STARD13: variants seen among roughly 807,000 people sequenced by gnomAD.
STARD13 encodes StAR related lipid transfer domain containing 13, also known as stAR-related lipid transfer protein 13.
Under a neutral mutation model 106.4 loss-of-function variants are expected in STARD13, and 62 were observed. The ratio of observed to expected loss-of-function variants is 0.58; its 90% CI spans 0.48 to 0.72. The LOEUF (loss-of-function observed/expected upper bound fraction) is 0.72, where lower values mean the gene tolerates loss of function less well. Ranked by LOEUF, STARD13 falls within the 30% of genes least tolerant of loss-of-function variation. The probability of loss-of-function intolerance (pLI) is 0.00; values close to 1 mark genes in which losing one functional copy is unlikely to be tolerated. For missense variants in STARD13, 1,387 were observed against 1,424.0 expected (o/e 0.97, Z 0.42); for synonymous variants, 565 against 553.0 (o/e 1.02, Z -0.31).
intron 1 of STARD13, among the ~76,000 whole-genome samples, chr13:33,235,613 CAG>C (rs1161664077): frequency 2.6e-5 from 4 of 152,336 alleles, no homozygotes; most frequent in East Asian, 1.9e-4. Flanking sequence ...GGCCTAGAAA[CAG>C]AGTTACCAGA....
downstream of STARD13, among the ~76,000 whole-genome samples, chr13:33,344,107 A>T (rs1437368876): frequency 6.6e-6 from 1 of 151,926 alleles, no homozygotes; most frequent in East Asian, 1.9e-4. Context: ...TGCACAGTGA[A>T]ATCTTCTGCA....
At chr13:33,390,551 A>C in the STARD13 span, among the ~76,000 whole-genome samples, 1 of 152,206 alleles carries the variant, frequency 6.6e-6, no homozygotes, top group African/African-American at 2.4e-5. Flanking sequence ...TTTGTTACAA[A>C]GAAGAAATAA....
At chr13:33,123,116 G>A (rs535664745) in intron 7 of STARD13, among the ~76,000 whole-genome samples, 1 of 139,638 alleles carries the variant, frequency 7.2e-6, no homozygotes, top group Non-Finnish European at 1.5e-5. Context: ...GATAGCCCCA[G>A]AGCACTGCTC....
the STARD13 span, among the ~76,000 whole-genome samples, chr13:33,560,232 A>T: frequency 6.6e-6 from 1 of 151,616 alleles, no homozygotes; most frequent in South Asian, 2.1e-4. Flanking sequence ...TATTAGTGCA[A>T]CATTAGTTCT....
chr13:33,511,100 C>G, the STARD13 span, among the ~76,000 whole-genome samples: 1 of 151,864 alleles, frequency 6.6e-6, no homozygotes, highest in Admixed American at 6.6e-5. Flanking sequence ...ACTTGACTAG[C>G]CAAGAGTTGG....
At chr13:33,621,138 T>A in the STARD13 span, among the ~76,000 whole-genome samples, 2 of 151,772 alleles carry the variant, frequency 1.3e-5, no homozygotes, top group African/African-American at 4.8e-5. Flanking sequence ...TAAACTGAAG[T>A]AGAAAATGTG....
chr13:33,526,437 C>G, the STARD13 span, among the ~76,000 whole-genome samples: 1 of 152,180 alleles, frequency 6.6e-6, no homozygotes, highest in African/African-American at 2.4e-5. Context: ...AGGGTGAACA[C>G]TCAATACATA....
the STARD13 span, among the ~76,000 whole-genome samples, chr13:33,569,168 T>C: frequency 5.8e-4 from 86 of 148,214 alleles, 6 homozygotes; most frequent in African/African-American, 1.9e-3. Flanking sequence ...TTTAGAGCTA[T>C]CAAATAATCT....
At chr13:33,384,214 C>T in the STARD13 span, among the ~76,000 whole-genome samples, 1 of 152,176 alleles carries the variant, frequency 6.6e-6, no homozygotes, top group Non-Finnish European at 1.5e-5. Flanking sequence ...TTGAATCTAA[C>T]AACCAATAAT....
intron 7 of STARD13, among the ~76,000 whole-genome samples, chr13:33,123,797 T>C (rs553572613): frequency 2.0e-5 from 3 of 152,320 alleles, no homozygotes; most frequent in Admixed American, 6.5e-5. Context: ...TGAGTGCTTA[T>C]ATGCGAGGCG....
intron 1 of STARD13, among the ~76,000 whole-genome samples, chr13:33,231,854 G>T (rs1392850895): frequency 6.6e-6 from 1 of 152,106 alleles, no homozygotes; most frequent in Non-Finnish European, 1.5e-5. Context: ...GTCATCCCTT[G>T]GTATCCACAG....
the STARD13 span, among the ~76,000 whole-genome samples, chr13:33,489,877 T>C: frequency 0.22 from 33,011 of 152,122 alleles, 6,555 homozygotes; most frequent in African/African-American, 0.53. Context: ...CATTGTATTC[T>C]TTCTTCTAAA....
rs1431736031 is a variant in STARD13 at position 33,110,861 on chromosome 13, G to C, written c.2654C>G (p.Ala885Gly). The change falls in exon 11 of 14, where the codon GCT (alanine) becomes GGT (glycine). Residue 885 changes from alanine (A) to glycine (G), a missense_variant. Physicochemically the swap from Ala to Gly is moderately conservative, Grantham distance 60. Transcript: ENST00000336934. ...VAQSRNSYVE[A>G]EIHVPTLEEL... ...TTCCAGGGTTGGCACGTGGATCTCA[G>C]CCTCCACATACGAGTTACGAGACTG... is the stretch of plus-strand genomic sequence containing the variant. 2 of 1,613,704 alleles carry C rather than the reference G, an allele frequency of 1.2e-6. No individual in the cohort carries two copies. Among genetic ancestry groups the C allele is most frequent in the East Asian group, 2.2e-5 (1 of 44,892 alleles).
At chr13:33,167,462 A>G in intron 2 of STARD13, 89 bp downstream of exon 2, 1 of 1,406,214 alleles carries the variant, frequency 7.1e-7, no homozygotes, top group Non-Finnish European at 9.9e-7. Flanking sequence ...CGAGAAAAAA[A>G]AATCTGGAAG....
chr13:33,496,548 T>C, the STARD13 span, among the ~76,000 whole-genome samples: 1 of 152,030 alleles, frequency 6.6e-6, no homozygotes, highest in East Asian at 1.9e-4. Flanking sequence ...ATACATGTTA[T>C]AAAAATTTGT....
chr13:33,228,750 G>T (rs1594135162), intron 1 of STARD13, among the ~76,000 whole-genome samples: 3 of 152,254 alleles, frequency 2.0e-5, no homozygotes, highest in East Asian at 3.9e-4. Context: ...GTCCACTAGA[G>T]GCCTGTGAAG....
the STARD13 span, among the ~76,000 whole-genome samples, chr13:33,446,996 G>A: frequency 4.5e-3 from 686 of 152,210 alleles, 7 homozygotes; most frequent in African/African-American, 0.014. Context: ...CTCTTTCTGT[G>A]TATATTTTAT....
the STARD13 span, among the ~76,000 whole-genome samples, chr13:33,489,125 C>T: frequency 6.6e-6 from 1 of 152,196 alleles, no homozygotes; most frequent in East Asian, 1.9e-4. Flanking sequence ...ATTCACATCT[C>T]TTCCCCCACT....
chr13:33,201,047 A>G (rs776022414), intron 1 of STARD13, among the ~76,000 whole-genome samples: 6 of 97,222 alleles, frequency 6.2e-5, no homozygotes, highest in Non-Finnish European at 1.4e-4. Flanking sequence ...ATAAAAATAA[A>G]CAAATAAATA....
Sources: gnomAD v4.1 joint callset for allele counts (sites outside exome capture counted in the v4.1 genomes callset) on GRCh38, gnomAD v4.1.1 for gene constraint, MANE v1.5 for transcripts, NCBI Gene and HGNC (gene_info 2026-07-23, HGNC 2026-07-21) for gene names.